Variants in SMARCD1 observed in about 807,000 individuals in gnomAD.
The protein encoded by SMARCD1 is SWI/SNF related BAF chromatin remodeling complex subunit D1.
Under a neutral mutation model 70.8 loss-of-function variants are expected in SMARCD1, and 16 were observed. The observed-to-expected ratio is 0.23, with a 90% CI of 0.15 to 0.34. The LOEUF is 0.34. Among genes scored for constraint, SMARCD1 ranks in the 10% least tolerant of loss-of-function variants. SMARCD1 has a pLI of 1.00. For synonymous variants in SMARCD1, 249 were observed against 246.0 expected, an observed-to-expected ratio of 1.01 and a Z score of -0.11; for missense variants, 409 against 655.5, an observed-to-expected ratio of 0.62 and a Z score of 4.11.
chr12:50,094,652 CATTCAAA>C, intron 10 of SMARCD1, 80 bp downstream of exon 10: 3 of 1,388,214 alleles, frequency 2.2e-6, no homozygotes, highest in Non-Finnish European at 3.0e-6. Context: ...TCTTAGTGTT[CATTCAAA>C]ATACGGTGAC....
intron 10 of SMARCD1, among the ~76,000 whole-genome samples, chr12:50,096,413 G>A (rs1187981660): frequency 1.3e-5 from 2 of 152,138 alleles, no homozygotes; most frequent in Non-Finnish European, 2.9e-5. Context: ...CCCTGTCACT[G>A]GTAATGGAAG....
At chr12:50,098,870 C>T (rs765824997) in intron 12 of SMARCD1, 55 bp downstream of exon 12, 1 of 1,601,238 alleles carries the variant, frequency 6.2e-7, no homozygotes, top group Non-Finnish European at 8.6e-7. Flanking sequence ...GTTTTCACCC[C>T]TGATGGGGGT....
intron 6 of SMARCD1, 23 bp from the exon 7 acceptor site, chr12:50,089,861 C>T: frequency 6.3e-7 from 1 of 1,578,732 alleles, no homozygotes; most frequent in Non-Finnish European, 8.7e-7. Flanking sequence ...GGAGAGCACC[C>T]CCTGACATCT....
chr12:50,085,789 C>T (rs1950782954), intron 1 of SMARCD1: 1 of 399,264 alleles, frequency 2.5e-6, no homozygotes, highest in East Asian at 3.6e-5. Context: ...TCCAGGGATA[C>T]CTGTATGAGG....
At chr12:50,088,221 G>C (rs1950809325) in intron 5 of SMARCD1, 1 of 699,942 alleles carries the variant, frequency 1.4e-6, no homozygotes, top group Non-Finnish European at 2.6e-6. Context: ...ACTTTTCTCT[G>C]TTCAAACTCG....
intron 9 of SMARCD1, 69 bp downstream of exon 9, chr12:50,090,659 C>G: frequency 8.4e-7 from 1 of 1,192,882 alleles, no homozygotes; most frequent in Non-Finnish European, 1.2e-6. Flanking sequence ...AGCCAGTTGT[C>G]AAATTTTCAG....
chr12:50,087,537 T>G, intron 5 of SMARCD1, 52 bp downstream of exon 5: 1 of 1,601,340 alleles, frequency 6.2e-7, no homozygotes, highest in Non-Finnish European at 8.5e-7. Context: ...CTGCTGGGAA[T>G]GAACAGTGTT....
rs777002222 is a variant in SMARCD1, at chr12:50,086,356, G to C, written c.365+8G>C. On this transcript the variant is annotated splice_region_variant and intron_variant, in intron 2 of 12. Coordinates refer to ENST00000394963, the MANE Select transcript of SMARCD1 (RefSeq NM_003076.5). ...CCAAAATCGAAACCACAAGTAAGAT[G>C]ATCCTGGGGCAGAGGGAGGGAGGGA... 1.7e-5 allele frequency: 16 copies of C among 934,556 alleles called. No individual in the cohort carries two copies. The South Asian group carries it at 2.0e-4, about 12-fold the overall frequency. The allele number at this position is 934,556 out of a possible 1,614,324, so 57.9% of individuals were successfully genotyped here.
chr12:50,086,436 C>A, intron 2 of SMARCD1, 88 bp downstream of exon 2: 2 of 1,310,502 alleles, frequency 1.5e-6, no homozygotes, highest in South Asian at 1.4e-5. Context: ...AGTGGTGGTG[C>A]TGTGTCAGCA....
intron 1 of SMARCD1, 159 bp from the exon 2 acceptor site, chr12:50,086,002 A>G (rs573771727): frequency 3.6e-5 from 17 of 467,574 alleles, no homozygotes; most frequent in Middle Eastern, 4.8e-4. Context: ...CTGTTTTTCT[A>G]TGGAGTCACT....
At position 50,099,104 on chromosome 12, in the gene SMARCD1, GA is replaced by G; in HGVS notation, c.*105del. Reference sequence around the variant, plus strand: ...TGGTCTTGCTTGGGGCGTTCCAGGGGATGCTGTTGGTTCAAGGACAACACCA... The same window carrying G: ...TGGTCTTGCTTGGGGCGTTCCAGGGGTGCTGTTGGTTCAAGGACAACACCA... On this transcript the variant is annotated 3_prime_UTR_variant, in exon 13 of 13. Coordinates refer to ENST00000394963, the MANE Select transcript of SMARCD1 (RefSeq NM_003076.5). The G allele has an allele frequency of 9.7e-7, 1 of 1,034,080 alleles. No individual in the cohort carries two copies. Among genetic ancestry groups the G allele is most frequent in the Non-Finnish European group, 1.5e-6 (1 of 664,052 alleles). 64.1% of individuals were successfully genotyped at this position (1,034,080 alleles called of 1,614,324 possible).
intron 6 of SMARCD1, chr12:50,089,032 C>G (rs192094032): frequency 6.5e-6 from 1 of 153,754 alleles, no homozygotes; most frequent in Non-Finnish European, 1.4e-5. Context: ...CTAGTACTTG[C>G]CAAGGTTACC....
rs1054398977 is a variant in SMARCD1 at position 50,090,600 on chromosome 12, T to G, written c.1133+10T>G. 7 of 1,599,046 alleles carry G rather than the reference T, an allele frequency of 4.4e-6. No homozygotes were observed. Among genetic ancestry groups the G allele is most frequent in the Non-Finnish European group, 5.1e-6 (6 of 1,166,446 alleles). On this transcript the variant is annotated intron_variant, in intron 9 of 12. Transcript: ENST00000394963. The stretch of plus-strand genomic sequence containing the variant: ...TTAATCATGTCATCAGGTAGGCCTG[T>G]GTGTGGGAGGCAGTGCTGTGCCGGA...
chr12:50,096,874 A>G lies in SMARCD1; in HGVS notation c.1294A>G (p.Asn432Asp). ...GATCCATGAGACAATAGAAACCATC[A>G]ACCAGCTGAAGACTCAGCGGGAGTT... ...NKIHETIETINQLKTQREFML... is the reference protein window; with the variant it reads ...NKIHETIETIDQLKTQREFML... Residue 432 changes from asparagine (N) to aspartate (D), a missense_variant, in exon 11 of 13, where the codon AAC becomes GAC. By Grantham distance (23) the Asn-to-Asp change is conservative. Around this residue, in one of 2 missense-constraint regions of SMARCD1, gnomAD observed 269 missense variants for 498.6 expected, o/e 0.54. Coordinates refer to ENST00000394963, the MANE Select transcript of SMARCD1 (RefSeq NM_003076.5). 3.1e-6 allele frequency: 5 copies of G among 1,612,900 alleles called. No homozygotes were observed. Among genetic ancestry groups the G allele is most frequent in the Non-Finnish European group, 4.2e-6 (5 of 1,178,960 alleles).
At chr12:50,093,519 T>C (rs891945191) in intron 9 of SMARCD1, among the ~76,000 whole-genome samples, 15 of 152,232 alleles carry the variant, frequency 9.9e-5, no homozygotes, top group Admixed American at 7.2e-4. Flanking sequence ...AGTCTCTCTC[T>C]GTTGCCCAGG....
chr12:50,097,052 A>T (rs779563539), intron 11 of SMARCD1, 80 bp downstream of exon 11: 1 of 1,394,954 alleles, frequency 7.2e-7, no homozygotes. Flanking sequence ...AGCTGGTAGG[A>T]GACCCAGAGG....
At chr12:50,094,725 A>G (rs530808674) in intron 10 of SMARCD1, among the ~76,000 whole-genome samples, 153 bp downstream of exon 10, 4 of 152,258 alleles carry the variant, frequency 2.6e-5, no homozygotes, top group African/African-American at 9.6e-5. Context: ...ACTCAAATGA[A>G]TTCTGATTGT....
At position 50,086,479 on chromosome 12, in the gene SMARCD1, T is replaced by TTGGTGGTGGTAGTGGTGGTGGTGGTGG. The variant is rs61560134; in HGVS notation, c.366-132_366-131insAGTGGTGGTGGTGGTGGTGGTGGTGGT. On this transcript the variant is annotated intron_variant, in intron 2 of 12. Coordinates refer to ENST00000394963, the MANE Select transcript of SMARCD1 (RefSeq NM_003076.5). ...CTACAGAACTCATCCTTGAGAATGCTTGGTGGTGGTGGTGGTGGTGGTAGT... is the reference window on the plus strand; with the variant it reads ...CTACAGAACTCATCCTTGAGAATGCTTGGTGGTGGTAGTGGTGGTGGTGGTGGTGGTGGTGGTGGTGGTGGTGGTAGT... The TTGGTGGTGGTAGTGGTGGTGGTGGTGG allele has an allele frequency of 1.1e-3, 823 of 781,686 alleles. 2 individuals are homozygous for TTGGTGGTGGTAGTGGTGGTGGTGGTGG. The highest frequency in any genetic ancestry group is 1.6e-3 in the Middle Eastern group (5 of 3,062). 48.4% of individuals were successfully genotyped at this position (781,686 alleles called of 1,614,324 possible). A position where few individuals can be genotyped will look rare whatever the true frequency, so the allele number is the denominator to read the frequency against.
At position 50,086,418 on chromosome 12, in the gene SMARCD1, A is replaced by T. The variant is rs566159910; in HGVS notation, c.365+70A>T. On this transcript the variant is annotated intron_variant, in intron 2 of 12. Transcript: ENST00000394963. ...AGGACACAGGTGGTGGGAGTACCTG[A>T]ACCAAGAAGTGGTGGTGCTGTGTCA... is the stretch of plus-strand genomic sequence containing the variant. 2.2e-6 allele frequency: 3 copies of T among 1,379,682 alleles called. No individual in the cohort carries two copies. The South Asian group carries it at 4.0e-5, about 18-fold the overall frequency. The allele number at this position is 1,379,682 out of a possible 1,614,324, so 85.5% of individuals were successfully genotyped here.
Sources: allele counts gnomAD v4.1 joint callset (sites outside exome capture counted in the v4.1 genomes callset), GRCh38; gene constraint gnomAD v4.1.1; regional missense constraint gnomAD v4.1.1; transcripts MANE v1.5; gene names NCBI Gene and HGNC (gene_info 2026-07-23, HGNC 2026-07-21).